The following PROX1 variants were observed in gnomAD, a reference collection of about 807,000 sequenced individuals.
PROX1 encodes the protein prospero homeobox 1.
A neutral mutation model predicts 58.8 loss-of-function variants in PROX1; 7 were observed. The observed-to-expected ratio is 0.12, with a 90% CI of 0.07 to 0.22. PROX1 has a LOEUF of 0.22. Ranked by LOEUF, PROX1 falls within the 10% of genes least tolerant of loss-of-function variation. The pLI, the probability that PROX1 is intolerant of heterozygous loss-of-function variation, is 1.00. For missense variants in PROX1, 675 were observed against 927.8 expected, an observed-to-expected ratio of 0.73 and a Z score of 3.54; for synonymous variants, 350 against 358.3, an observed-to-expected ratio of 0.98 and a Z score of 0.26.
At chr1:213,987,147 T>A (rs1473684909), upstream of PROX1, among the ~76,000 whole-genome samples, 1 of 152,216 alleles carries the variant, frequency 6.6e-6, no homozygotes, top group Admixed American at 6.5e-5. Context: ...ACAATCCAAC[T>A]AATGTCAGAG....
intron 4 of PROX1, among the ~76,000 whole-genome samples, chr1:214,028,468 G>A (rs958033186): frequency 2.6e-5 from 4 of 152,104 alleles, no homozygotes; most frequent in Non-Finnish European, 5.9e-5. Context: ...ATAAAACTTA[G>A]GGAACACAAA....
chr1:214,000,093 A>G (rs919278202), intron 2 of PROX1, among the ~76,000 whole-genome samples: 3 of 152,100 alleles, frequency 2.0e-5, no homozygotes, highest in South Asian at 2.1e-4. Context: ...GTAAAGTGAC[A>G]TGCGTGCCAA....
chr1:214,022,623 G>A (rs940757881), intron 4 of PROX1, among the ~76,000 whole-genome samples: 12 of 152,222 alleles, frequency 7.9e-5, no homozygotes, highest in African/African-American at 1.2e-4. Flanking sequence ...AGAAGGACAC[G>A]ATGAGATGCT....
At chr1:214,032,398 T>C (rs1664687499) in intron 4 of PROX1, among the ~76,000 whole-genome samples, 1 of 151,914 alleles carries the variant, frequency 6.6e-6, no homozygotes, top group Non-Finnish European at 1.5e-5. Flanking sequence ...TAAACTTCTT[T>C]TTTTTTTTTT....
chr1:214,028,574 A>G (rs562615785), intron 4 of PROX1, among the ~76,000 whole-genome samples: 1 of 152,332 alleles, frequency 6.6e-6, no homozygotes, highest in Admixed American at 6.5e-5. Context: ...ACATTTATTA[A>G]TCACAGTGAA....
chr1:213,991,091 A>G (rs1234755268), intron 1 of PROX1, among the ~76,000 whole-genome samples: 1 of 152,164 alleles, frequency 6.6e-6, no homozygotes, highest in African/African-American at 2.4e-5. Context: ...TGAGGGAGGA[A>G]AACGAGAGTA....
intron 4 of PROX1, among the ~76,000 whole-genome samples, chr1:214,026,087 C>T (rs1664447249): frequency 6.6e-6 from 1 of 151,846 alleles, no homozygotes; most frequent in South Asian, 2.1e-4. Flanking sequence ...TGTAGTATCT[C>T]AGGGGGAGAG....
At chr1:214,012,227 A>G (rs1432760631) in intron 4 of PROX1, among the ~76,000 whole-genome samples, 4 of 152,208 alleles carry the variant, frequency 2.6e-5, no homozygotes, top group Non-Finnish European at 5.9e-5. Context: ...ATAATTTACT[A>G]AGTACATAGC....
Position 213,996,679 on chromosome 1 carries a change from A to G in PROX1, c.144A>G (p.Gln48=), listed in dbSNP as rs758799593. 2 of 1,614,234 alleles carry G rather than the reference A, an allele frequency of 1.2e-6. No homozygotes were observed. The highest frequency in any genetic ancestry group is 1.1e-5 in the South Asian group (1 of 91,084). ...CGTTTTTTAGTGCCATGAATCCCCA[A>G]GGTTCTGAGCAGGATGTTGAGTATT... The part of the protein sequence containing the change: ...RATFFSAMNP[Q]GSEQDVEYSV... Residue 48 remains glutamine (Q), a synonymous_variant, in exon 2 of 5, where the codon CAA becomes CAG. Transcript: ENST00000366958.
chr1:213,992,156 T>G (rs942100351), intron 1 of PROX1, among the ~76,000 whole-genome samples: 3 of 152,214 alleles, frequency 2.0e-5, no homozygotes, highest in Admixed American at 2.0e-4. Flanking sequence ...AAATGTTCTG[T>G]GTTCATTTTG....
At chr1:214,019,786 G>A (rs1232648633) in intron 4 of PROX1, among the ~76,000 whole-genome samples, 1 of 152,216 alleles carries the variant, frequency 6.6e-6, no homozygotes, top group Admixed American at 6.5e-5. Flanking sequence ...CGCCGCAAAT[G>A]CTTCATTAGC....
At chr1:214,019,900 TC>T (rs1664223912) in intron 4 of PROX1, among the ~76,000 whole-genome samples, 1 of 152,158 alleles carries the variant, frequency 6.6e-6, no homozygotes, top group Admixed American at 6.5e-5. Context: ...TCCTGGTTCT[TC>T]CCCATTTTCC....
chr1:214,002,370 T>A (rs561164566), intron 2 of PROX1, among the ~76,000 whole-genome samples: 1 of 152,116 alleles, frequency 6.6e-6, no homozygotes, highest in East Asian at 1.9e-4. Flanking sequence ...TGTCTTTCAT[T>A]AATTTATGGA....
intron 2 of PROX1, among the ~76,000 whole-genome samples, chr1:214,004,881 C>T (rs1000139489): frequency 1.3e-5 from 2 of 152,196 alleles, no homozygotes; most frequent in African/African-American, 4.8e-5. Flanking sequence ...GCCTACCGAC[C>T]TAAAGCAAGG....
At chr1:214,000,033 C>CTCTG (rs111362811) in intron 2 of PROX1, among the ~76,000 whole-genome samples, 42,100 of 151,022 alleles carry the variant, frequency 0.28, 6,038 homozygotes, top group Admixed American at 0.39. Context: ...TTCTGTCTCT[C>CTCTG]TCTCTCTCTT....
At chr1:213,987,270 T>G (rs191151768), upstream of PROX1, among the ~76,000 whole-genome samples, 31 of 152,220 alleles carry the variant, frequency 2.0e-4, no homozygotes, top group East Asian at 5.8e-3. Context: ...ATGTGAAACC[T>G]CTGGCACCTA....
intron 4 of PROX1, among the ~76,000 whole-genome samples, chr1:214,027,262 A>G (rs192758475): frequency 6.9e-6 from 1 of 145,174 alleles, no homozygotes; most frequent in East Asian, 2.0e-4. Context: ...CCTGGTGAGC[A>G]CAGAAGAGAG....
In PROX1 at chr1:214,038,512, T is replaced by C. The variant is rs1278600041; in HGVS notation, c.*2678T>C. ...GGTGAAGGATGAGGGACAGTTTACA[T>C]AGGAAAAGAAAAAAAAAAGTCTAAA... On this transcript the variant is annotated 3_prime_UTR_variant, in exon 5 of 5. Transcript: ENST00000366958. 2.0e-5 allele frequency: 3 copies of C among 151,460 alleles called. No homozygotes were observed. Among genetic ancestry groups the C allele is most frequent in the African/African-American group, 7.3e-5 (3 of 41,234 alleles). 9.4% of individuals were successfully genotyped at this position (151,460 alleles called of 1,614,324 possible).
intron 4 of PROX1, among the ~76,000 whole-genome samples, chr1:214,020,565 T>A (rs1664246654): frequency 6.6e-6 from 1 of 152,246 alleles, no homozygotes; most frequent in South Asian, 2.1e-4. Flanking sequence ...GAAGGTGTAC[T>A]GGTTTCTACA....
Sources: allele counts gnomAD v4.1 joint callset (sites outside exome capture counted in the v4.1 genomes callset), GRCh38; gene constraint gnomAD v4.1.1; transcripts MANE v1.5; gene names NCBI Gene and HGNC (gene_info 2026-07-23, HGNC 2026-07-21).